Variants in WDR20 observed in about 807,000 individuals in gnomAD.
WDR20 encodes WD repeat-containing protein 20.
In WDR20, 3 loss-of-function variants were observed where a neutral mutation model predicts 38.7. The observed-to-expected ratio is 0.08, with a 90% CI of 0.04 to 0.20. WDR20 has a LOEUF of 0.20. Ranked by LOEUF, WDR20 falls within the 10% of genes least tolerant of loss-of-function variation. The pLI is 1.00. For missense variants in WDR20, 559 were observed against 727.7 expected (o/e 0.77, Z 2.67); for synonymous variants, 298 against 285.6 (o/e 1.04, Z -0.44).
chr14:102,184,241 A>G (rs1290789458), intron 1 of WDR20, among the ~76,000 whole-genome samples: 1 of 152,224 alleles, frequency 6.6e-6, no homozygotes, highest in African/African-American at 2.4e-5. Context: ...AAGCCTCACA[A>G]CAGCCATTTG....
At position 102,200,457 on chromosome 14, in the gene WDR20, A is replaced by ATTTTTTTTTTTTTT. The variant is rs746438768; in HGVS notation, c.432+5348_432+5349insTTTTTTTTTTTTTT. Among the ~76,000 whole-genome samples the ATTTTTTTTTTTTTT allele has an allele frequency of 6.1e-4, 68 of 110,990 alleles. 2 individuals are homozygous for ATTTTTTTTTTTTTT. The highest frequency in any genetic ancestry group is 5.2e-3 in the East Asian group (22 of 4,234). 72.8% of individuals were successfully genotyped at this position (110,990 alleles called of 152,430 possible). On this transcript the variant is annotated intron_variant, in intron 2 of 2. Transcript: ENST00000342702. ...CAGGGGCGAGGAGTTTACTTTTTAAATTTTTTTTTTTGTGTGTGTGTGTGT... is the reference window on the plus strand; with the variant it reads ...CAGGGGCGAGGAGTTTACTTTTTAAATTTTTTTTTTTTTTTTTTTTTTTTTGTGTGTGTGTGTGT...
At chr14:102,153,878 T>A (rs778223907) in intron 1 of WDR20, among the ~76,000 whole-genome samples, 2 of 152,250 alleles carry the variant, frequency 1.3e-5, no homozygotes, top group Non-Finnish European at 2.9e-5. Flanking sequence ...CCACCTTCAG[T>A]AATATCACTC....
Position 102,209,620 on chromosome 14 carries a change from A to G in WDR20, c.1450A>G (p.Met484Val). Residue 484 changes from methionine (M) to valine (V), a missense_variant, in exon 3 of 3, where the codon ATG (methionine) becomes GTG (valine). Physicochemically the swap from Met to Val is conservative, Grantham distance 21. Transcript: ENST00000342702. The surrounding 1 kb of genome is among the most constrained non-coding windows in gnomAD (Gnocchi z 6.0). ...HEKDHKRNHS[M>V]GHISSKSSDK... ...GAAAGATCACAAGCGAAATCATAGC[A>G]TGGGACACATTTCTAGCAAGAGCAG... 1.2e-6 allele frequency: 2 copies of G among 1,614,206 alleles called. No individual in the cohort carries two copies. The highest frequency in any genetic ancestry group is 8.5e-7 in the Non-Finnish European group (1 of 1,180,034).
chr14:102,165,621 T>TTTTTC (rs1235793443), intron 1 of WDR20, among the ~76,000 whole-genome samples: 5 of 151,086 alleles, frequency 3.3e-5, no homozygotes, highest in African/African-American at 1.2e-4. Flanking sequence ...TTTTTGTTTC[T>TTTTTC]TTTTCTTTTC....
chr14:102,193,515 G>T (rs1224264566), intron 1 of WDR20: 3 of 1,613,148 alleles, frequency 1.9e-6, no homozygotes, highest in East Asian at 4.5e-5. Context: ...TTTAACTGAG[G>T]TGAGGCTGGG....
chr14:102,196,920 T>G (rs2059506260), intron 2 of WDR20, among the ~76,000 whole-genome samples: 1 of 152,236 alleles, frequency 6.6e-6, no homozygotes, highest in African/African-American at 2.4e-5. Context: ...TCGATTGCCC[T>G]TCATAGTAAG....
At chr14:102,150,113 A>G (rs185388317) in intron 1 of WDR20, among the ~76,000 whole-genome samples, 16 of 152,334 alleles carry the variant, frequency 1.1e-4, no homozygotes, top group African/African-American at 2.4e-4. Context: ...TTAAATATAT[A>G]GGTTTTATAA....
chr14:102,212,391 G>GA, downstream of WDR20: 1 of 1,027,178 alleles, frequency 9.7e-7, no homozygotes, highest in Non-Finnish European at 1.4e-6. Flanking sequence ...CACTGTGCCA[G>GA]CCTGGGGAGG....
At chr14:102,203,607 C>G (rs552061194) in intron 2 of WDR20, among the ~76,000 whole-genome samples, 1 of 152,160 alleles carries the variant, frequency 6.6e-6, no homozygotes, top group East Asian at 1.9e-4. Context: ...TGGATCCCCA[C>G]CCCCCTGGCC....
Position 102,208,684 on chromosome 14 carries a change from G to A in WDR20, c.514G>A (p.Gly172Arg). 1 of 1,614,142 alleles carries A rather than the reference G, an allele frequency of 6.2e-7. No individual in the cohort carries two copies. Among genetic ancestry groups the A allele is most frequent in the Non-Finnish European group, 8.5e-7 (1 of 1,180,002 alleles). The change falls in exon 3 of 3, where the codon GGG becomes AGG. Residue 172 changes from glycine to arginine, a missense_variant. Transcript: ENST00000342702. The surrounding 1 kb of genome is among the most constrained non-coding windows in gnomAD (Gnocchi z 5.6). The stretch of plus-strand genomic sequence containing the variant: ...CCTTTTCCTAGTAGCCCACTCGAGT[G>A]GGAACATGTACTTATATAATGTGGA... ...ESLFLVAHSS[G>R]NMYLYNVEHT...
At chr14:102,167,272 C>G (rs1171011303) in intron 1 of WDR20, 1 of 152,198 alleles carries the variant, frequency 6.6e-6, no homozygotes, top group East Asian at 1.9e-4. Flanking sequence ...GAGTGCAGTG[C>G]TGCAGTCATA....
rs560019415 is a variant in WDR20 at position 102,145,989 on chromosome 14, G to GT, written c.249+5831dup. 4.3e-3 allele frequency among the ~76,000 whole-genome samples: 589 copies of GT among 135,448 alleles called. 2 individuals carry two copies. Among genetic ancestry groups the GT allele is most frequent in the South Asian group, 0.025 (107 of 4,214 alleles). The allele number at this position is 135,448 out of a possible 152,430, so 88.9% of individuals were successfully genotyped here. On this transcript the variant is annotated intron_variant, in intron 1 of 2. Coordinates refer to ENST00000342702, the MANE Select transcript of WDR20 (RefSeq NM_144574.4). Reference sequence around the variant, plus strand: ...AGCTTATATGATTCTGTACTCAGTTGTTTTTTTTTTTTTTAAATGGAAATG... The same window carrying GT: ...AGCTTATATGATTCTGTACTCAGTTGTTTTTTTTTTTTTTTAAATGGAAATG...
chr14:102,149,883 G>A (rs1373172172), intron 1 of WDR20, among the ~76,000 whole-genome samples: 1 of 152,082 alleles, frequency 6.6e-6, no homozygotes, highest in Non-Finnish European at 1.5e-5. Context: ...TAGTAGAGAT[G>A]GGGTTTCACT....
intron 1 of WDR20, among the ~76,000 whole-genome samples, chr14:102,184,657 CTG>C (rs1341681522): frequency 6.6e-6 from 1 of 152,186 alleles, no homozygotes; most frequent in Non-Finnish European, 1.5e-5. Context: ...GAGATTGTCA[CTG>C]TGAAATTTTT....
At position 102,220,873 on chromosome 14, in the gene WDR20, A is replaced by T. The variant is rs111641185; in HGVS notation, c.1693-1957A>T. Among the ~76,000 whole-genome samples, 1,174 of 152,096 alleles carry T rather than the reference A, an allele frequency of 7.7e-3. 10 individuals carry two copies. The highest frequency in any genetic ancestry group is 0.027 in the African/African-American group (1,131 of 41,490). On this transcript the variant is annotated intron_variant, in intron 3 of 3. Transcript: ENST00000335263. This position sits in a 1 kb window ranked among gnomAD's most constrained non-coding sequence, Gnocchi z 4.2. The stretch of plus-strand genomic sequence containing the variant: ...ACCCTGCATCTCCTGGGCTCAAGCC[A>T]TCCTCCTGCCACACAGCCTCCTGAG...
intron 1 of WDR20, among the ~76,000 whole-genome samples, chr14:102,152,539 C>T (rs1327801714): frequency 2.0e-5 from 3 of 151,526 alleles, no homozygotes; most frequent in Non-Finnish European, 2.9e-5. Flanking sequence ...CTCAGACTCC[C>T]GAGTAGCTGG....
Position 102,169,708 on chromosome 14 carries a change from A to G in WDR20, c.250-25230A>G, listed in dbSNP as rs530262196. ...ACACCCGGCTTATTTTTGTATTTTT[A>G]GTAGAGACAGGGTTTCACCATGTTG... On this transcript the variant is annotated intron_variant, in intron 1 of 2. Transcript: ENST00000342702. Among the ~76,000 whole-genome samples, 8 of 152,148 alleles carry G rather than the reference A, an allele frequency of 5.3e-5. No homozygotes were observed. In the East Asian group the frequency reaches 1.5e-3, roughly 29 times the overall value.
At chr14:102,154,271 A>G (rs2056853096) in intron 1 of WDR20, among the ~76,000 whole-genome samples, 1 of 152,220 alleles carries the variant, frequency 6.6e-6, no homozygotes. Context: ...ACAGAAGTGT[A>G]TTTCTCACAG....
downstream of WDR20, chr14:102,212,533 T>G (rs1051578632): frequency 4.6e-6 from 7 of 1,535,822 alleles, no homozygotes; most frequent in Admixed American, 7.8e-5. Context: ...GCAGAGCACT[T>G]CTGCAGGCAG....
Sources: allele counts gnomAD v4.1 joint callset (sites outside exome capture counted in the v4.1 genomes callset), GRCh38; gene constraint gnomAD v4.1.1; non-coding constraint Gnocchi (gnomAD v3.1); transcripts MANE v1.5; gene names NCBI Gene and HGNC (gene_info 2026-07-23, HGNC 2026-07-21).